Variants in HOOK1 observed in about 807,000 individuals in gnomAD.
The protein encoded by HOOK1 is hook microtubule tethering protein 1.
Under a neutral mutation model 112.8 loss-of-function variants are expected in HOOK1, and 60 were observed. The ratio of observed to expected loss-of-function variants is 0.53; its 90% CI spans 0.43 to 0.66. The LOEUF (loss-of-function observed/expected upper bound fraction) is 0.66. HOOK1 is among the 30% of genes least tolerant of loss of function. The probability of loss-of-function intolerance (pLI) is 0.00; values close to 1 mark genes in which losing one functional copy is unlikely to be tolerated. For synonymous variants in HOOK1, 294 were observed against 283.8 expected (o/e 1.04, Z -0.36); for missense variants, 770 against 856.0 (o/e 0.90, Z 1.25).
At chr1:59,828,943 A>G (rs2098391906) in intron 3 of HOOK1, 91 bp downstream of exon 3, 1 of 987,624 alleles carries the variant, frequency 1.0e-6, no homozygotes, top group South Asian at 1.5e-5. Flanking sequence ...AAATTAACTT[A>G]TAGTACTTTT....
At chr1:59,853,952 C>T (rs1448325919) in intron 12 of HOOK1, among the ~76,000 whole-genome samples, 1 of 115,514 alleles carries the variant, frequency 8.7e-6, no homozygotes, top group Non-Finnish European at 1.7e-5. Context: ...ATACTATTGT[C>T]TTTTAAATCA....
chr1:59,823,516 T>C (rs145720072), intron 2 of HOOK1, among the ~76,000 whole-genome samples: 53 of 152,266 alleles, frequency 3.5e-4, no homozygotes, highest in Admixed American at 1.8e-3. Context: ...TTGGTGTAGA[T>C]GCAGCAACAT....
intron 2 of HOOK1, among the ~76,000 whole-genome samples, chr1:59,826,517 TAGAA>T (rs1283368865): frequency 3.9e-5 from 6 of 152,020 alleles, no homozygotes; most frequent in African/African-American, 7.3e-5. Flanking sequence ...TGATTTGAGA[TAGAA>T]AGGAAGATGA....
Position 59,833,498 on chromosome 1 carries a change from C to A in HOOK1, c.367C>A (p.Leu123Ile). The A allele has an allele frequency of 6.3e-7, 1 of 1,590,644 alleles. No homozygotes were observed. The highest frequency in any genetic ancestry group is 1.1e-5 in the South Asian group (1 of 88,014). ...DPVELGRLLQ[L>I]ILGCAINCEK... ...AGTGGAGCTTGGGAGGTTGCTCCAG[C>A]TTATTTTAGGTTGTGCGATCAACTG... Residue 123 changes from leucine (L) to isoleucine (I), a missense_variant, in exon 5 of 22, where the codon CTT (leucine) becomes ATT (isoleucine). Coordinates refer to ENST00000371208, the MANE Select transcript of HOOK1 (RefSeq NM_015888.6).
chr1:59,819,592 A>C (rs2098384096), intron 1 of HOOK1, among the ~76,000 whole-genome samples: 2 of 152,230 alleles, frequency 1.3e-5, no homozygotes, highest in Admixed American at 1.3e-4. Flanking sequence ...CATGGCAGGA[A>C]GGAGGGGAAA....
At chr1:59,862,973 C>T (rs549668227) in intron 16 of HOOK1, 96 bp downstream of exon 16, 1 of 711,160 alleles carries the variant, frequency 1.4e-6, no homozygotes, top group Admixed American at 2.2e-5. Flanking sequence ...AAGTACAGCC[C>T]TTATCATTGA....
rs372256776 is a variant in HOOK1, at chr1:59,828,882, A to G, written c.222+30A>G. ...GCAGAACAAATGGGAGAAGCACTTG[A>G]TCCAAACAGTGGTCCTAAAGTTAGC... On this transcript the variant is annotated intron_variant, in intron 3 of 21. Coordinates refer to ENST00000371208, the MANE Select transcript of HOOK1 (RefSeq NM_015888.6). 78 of 1,540,678 alleles carry G rather than the reference A, an allele frequency of 5.1e-5. 1 individual carries two copies. The highest frequency in any genetic ancestry group is 2.8e-4 in the Admixed American group (16 of 57,958).
chr1:59,855,306 A>T (rs561611511), intron 12 of HOOK1, among the ~76,000 whole-genome samples: 25 of 152,244 alleles, frequency 1.6e-4, no homozygotes, highest in Admixed American at 7.2e-4. Flanking sequence ...GCTCTCAAGT[A>T]AACCCCAGTG....
intron 12 of HOOK1, among the ~76,000 whole-genome samples, chr1:59,853,577 A>T (rs932274103): frequency 2.0e-5 from 3 of 151,974 alleles, no homozygotes; most frequent in African/African-American, 7.2e-5. Context: ...TTTGGAATCC[A>T]TTTACATTTA....
intron 12 of HOOK1, among the ~76,000 whole-genome samples, chr1:59,856,000 T>TTG (rs2098410554): frequency 2.3e-5 from 3 of 132,352 alleles, no homozygotes; most frequent in African/African-American, 8.8e-5. Flanking sequence ...TTTTTTTTTT[T>TTG]TTTTTTTTTT....
chr1:59,825,542 A>T, intron 2 of HOOK1, among the ~76,000 whole-genome samples: 1 of 152,238 alleles, frequency 6.6e-6, no homozygotes, highest in East Asian at 1.9e-4. Context: ...TATAGAACTT[A>T]TTTGACTTTC....
rs758095552 is a variant in HOOK1, at chr1:59,840,345, C to A, written c.575C>A (p.Ala192Glu). Residue 192 changes from alanine (A) to glutamate (E), a missense_variant, in exon 8 of 22, where the codon GCA (alanine) becomes GAA (glutamate). Physicochemically the swap from Ala to Glu is moderately radical, Grantham distance 107. This residue lies in a region of HOOK1 where 655 missense variants were observed against 725.9 expected (regional missense o/e 0.90). Transcript: ENST00000371208. ...TTGGAAGAACTTCAGGAAGCACTAGCAGAAAAAGAAGAGCTGAGGCAAAGA... is the reference window on the plus strand; with the variant it reads ...TTGGAAGAACTTCAGGAAGCACTAGAAGAAAAAGAAGAGCTGAGGCAAAGA... The part of the protein sequence containing the change: ...RALEELQEAL[A>E]EKEELRQRCE... 29 of 1,596,362 alleles carry A rather than the reference C, an allele frequency of 1.8e-5. No homozygotes were observed. Among genetic ancestry groups the A allele is most frequent in the Non-Finnish European group, 2.4e-5 (28 of 1,171,972 alleles).
intron 2 of HOOK1, among the ~76,000 whole-genome samples, chr1:59,823,187 G>A (rs1035069177): frequency 6.6e-6 from 1 of 152,144 alleles, no homozygotes; most frequent in Admixed American, 6.5e-5. Flanking sequence ...AGGCATGGTG[G>A]CGGGCGCCTG....
At chr1:59,853,063 A>C (rs1188656335) in intron 12 of HOOK1, among the ~76,000 whole-genome samples, 1 of 151,940 alleles carries the variant, frequency 6.6e-6, no homozygotes, top group African/African-American at 2.4e-5. Context: ...TGTTCTGCAG[A>C]GTGTTCCATG....
In HOOK1 at chr1:59,843,617, AT is replaced by A. The variant is rs2098402167; in HGVS notation, c.788+20del. ...ACTTCAGGTAGCATTTTTAATGGAA[AT>A]CATTTTATGGAGTTCTGTCTATTAT... On this transcript the variant is annotated intron_variant, in intron 9 of 21. Coordinates refer to ENST00000371208, the MANE Select transcript of HOOK1 (RefSeq NM_015888.6). The A allele has an allele frequency of 2.5e-6, 4 of 1,582,742 alleles. No individual in the cohort carries two copies. The highest frequency in any genetic ancestry group is 3.4e-6 in the Non-Finnish European group (4 of 1,161,706).
rs570846384 is a variant in HOOK1 at position 59,874,393 on chromosome 1, C to T, written c.*1428C>T. On this transcript the variant is annotated 3_prime_UTR_variant, in exon 22 of 22. Transcript: ENST00000371208. ...AGGAACTGAATTGTGACATAATTAG[C>T]ATCTTACATTCCATACAGTTGAATA... 3 of 152,310 alleles carry T rather than the reference C, an allele frequency of 2.0e-5. No homozygotes were observed. The East Asian group carries it at 5.8e-4, about 29-fold the overall frequency. The allele number at this position is 152,310 out of a possible 1,614,324, so 9.4% of individuals were successfully genotyped here. A position where few individuals can be genotyped will look rare whatever the true frequency, so the allele number is the denominator to read the frequency against.
intron 19 of HOOK1, among the ~76,000 whole-genome samples, chr1:59,867,003 T>C (rs1462185686): frequency 6.6e-6 from 1 of 152,204 alleles, no homozygotes; most frequent in East Asian, 1.9e-4. Context: ...CTAAATGACA[T>C]TTTAAGAGGA....
At chr1:59,815,255 G>T in intron 1 of HOOK1, 75 bp downstream of exon 1, 1 of 1,389,566 alleles carries the variant, frequency 7.2e-7, no homozygotes, top group Non-Finnish European at 9.8e-7. Context: ...GGTTCTCCCA[G>T]GTGAGCTGGG....
At chr1:59,821,593 A>C (rs899820510) in intron 1 of HOOK1, among the ~76,000 whole-genome samples, 4 of 152,194 alleles carry the variant, frequency 2.6e-5, no homozygotes, top group Non-Finnish European at 4.4e-5. Flanking sequence ...ATTCCAAATT[A>C]TGTATTACTT....
Sources: gnomAD v4.1 joint callset for allele counts (sites outside exome capture counted in the v4.1 genomes callset) on GRCh38, gnomAD v4.1.1 for gene constraint, gnomAD v4.1.1 regional missense constraint, MANE v1.5 for transcripts, NCBI Gene and HGNC (gene_info 2026-07-23, HGNC 2026-07-21) for gene names.